DPYSL5: variants seen among roughly 807,000 people sequenced by gnomAD.
DPYSL5 encodes the protein dihydropyrimidinase like 5.
DPYSL5 carries 9 observed loss-of-function variants against 58.4 expected under a neutral mutation model. The observed-to-expected ratio is 0.15, with a 90% CI of 0.09 to 0.27. The LOEUF (loss-of-function observed/expected upper bound fraction) is 0.27, where lower values mean the gene tolerates loss of function less well. Ranked by LOEUF, DPYSL5 falls within the 10% of genes least tolerant of loss-of-function variation. The pLI is 1.00. For synonymous variants in DPYSL5, 293 were observed against 301.9 expected (o/e 0.97, Z 0.31); for missense variants, 499 against 770.6 (o/e 0.65, Z 4.17).
intron 1 of DPYSL5, among the ~76,000 whole-genome samples, chr2:26,874,518 T>C (rs903233898): frequency 1.3e-5 from 2 of 152,246 alleles, no homozygotes; most frequent in African/African-American, 2.4e-5. Context: ...AAAAATCAAA[T>C]GATCATATAT....
In DPYSL5 at chr2:26,942,662, T is replaced by C; in HGVS notation, c.1352T>C (p.Val451Ala). ...GGGCGCGTCGTGTATGAGAACGGCG[T>C]CTTCATGTGCGCCGAGGGCACCGGC... ...SRGRVVYENG[V>A]FMCAEGTGKF... is the part of the protein sequence containing the mutation. The change falls in exon 11 of 13, where the codon GTC becomes GCC. Residue 451 changes from valine to alanine, a missense_variant. Physicochemically the swap from Val to Ala is moderately conservative, Grantham distance 64 (BLOSUM62 0). Transcript: ENST00000288699. This position sits in a 1 kb window ranked among gnomAD's most constrained non-coding sequence, Gnocchi z 5.9. The C allele has an allele frequency of 6.2e-7, 1 of 1,614,132 alleles. No homozygotes were observed. Among genetic ancestry groups the C allele is most frequent in the Non-Finnish European group, 8.5e-7 (1 of 1,180,040 alleles).
At chr2:26,931,098 C>T (rs1458184242) in intron 5 of DPYSL5, among the ~76,000 whole-genome samples, 21 of 144,860 alleles carry the variant, frequency 1.4e-4, no homozygotes, top group Non-Finnish European at 2.4e-4. Flanking sequence ...ATGATCATGC[C>T]ACTGCACTCC....
chr2:26,868,182 C>T (rs1051071259), intron 1 of DPYSL5, among the ~76,000 whole-genome samples: 1 of 152,082 alleles, frequency 6.6e-6, no homozygotes, highest in African/African-American at 2.4e-5. Context: ...TGTCCTATGC[C>T]CATCTTTCTC....
chr2:26,946,645 G>A (rs1665493734), intron 12 of DPYSL5, among the ~76,000 whole-genome samples: 1 of 152,228 alleles, frequency 6.6e-6, no homozygotes. Context: ...ATGGGGCAGT[G>A]AAGTTGGCAC....
At chr2:26,884,758 G>T (rs1286475550) in intron 1 of DPYSL5, among the ~76,000 whole-genome samples, 1 of 152,134 alleles carries the variant, frequency 6.6e-6, no homozygotes, top group Non-Finnish European at 1.5e-5. Flanking sequence ...TGAACTCATG[G>T]GATTAAAACC....
At chr2:26,872,829 C>A (rs1218288399) in intron 1 of DPYSL5, among the ~76,000 whole-genome samples, 1 of 152,120 alleles carries the variant, frequency 6.6e-6, no homozygotes, top group Non-Finnish European at 1.5e-5. Flanking sequence ...AAACAAAAAA[C>A]GGCCGTTGGA....
At chr2:26,879,856 C>T (rs1663511576) in intron 1 of DPYSL5, among the ~76,000 whole-genome samples, 1 of 152,192 alleles carries the variant, frequency 6.6e-6, no homozygotes. Context: ...TCCACACCTG[C>T]TTTCTGCTCT....
chr2:26,887,940 G>A (rs539809534), intron 1 of DPYSL5, among the ~76,000 whole-genome samples: 51 of 152,206 alleles, frequency 3.4e-4, no homozygotes, highest in South Asian at 1.2e-3. Flanking sequence ...TCTAGGATTC[G>A]GGATATCCAA....
chr2:26,935,032 C>A (rs531569610), intron 8 of DPYSL5, among the ~76,000 whole-genome samples: 4 of 152,320 alleles, frequency 2.6e-5, no homozygotes, highest in African/African-American at 9.6e-5. Flanking sequence ...CAGTGGGGAG[C>A]TGCAGAACGT....
Position 26,931,331 on chromosome 2 carries a change from C to A in DPYSL5, c.670-309C>A, listed in dbSNP as rs149998803. ...CCACTATTTCTCCTTTGCTGCAGTT[C>A]TGAGGTGGCTATGGAGAGAATACAC... On this transcript the variant is annotated intron_variant, in intron 5 of 12. Coordinates refer to ENST00000288699, the MANE Select transcript of DPYSL5 (RefSeq NM_020134.4). Among the ~76,000 whole-genome samples, 35 of 150,580 alleles carry A rather than the reference C, an allele frequency of 2.3e-4. No individual in the cohort carries two copies. The Middle Eastern group carries it at 0.021, about 90-fold the overall frequency.
chr2:26,852,574 G>A (rs1311652253), intron 1 of DPYSL5, among the ~76,000 whole-genome samples: 1 of 152,144 alleles, frequency 6.6e-6, no homozygotes, highest in African/African-American at 2.4e-5. Context: ...TCACAGCCCT[G>A]TTCTGTACTT....
At chr2:26,878,787 A>G (rs1298920349) in intron 1 of DPYSL5, among the ~76,000 whole-genome samples, 2 of 152,128 alleles carry the variant, frequency 1.3e-5, no homozygotes, top group Non-Finnish European at 2.9e-5. Flanking sequence ...CATGCATCCA[A>G]TGCACCAGCC....
intron 8 of DPYSL5, 159 bp from the exon 9 acceptor site, chr2:26,939,872 G>A: frequency 1.2e-6 from 1 of 841,754 alleles, no homozygotes; most frequent in Non-Finnish European, 1.9e-6. Context: ...TCACATAGAT[G>A]CAGTAACTCA....
chr2:26,931,169 ATGTGTGTGTGTGTG>A (rs1324624030), intron 5 of DPYSL5, among the ~76,000 whole-genome samples: 1 of 45,700 alleles, frequency 2.2e-5, no homozygotes, highest in African/African-American at 7.0e-5. Flanking sequence ...ATATATATAT[ATGTGTGTGTGTGTG>A]TGTGTGTGTG....
In DPYSL5 at chr2:26,898,055, G is replaced by A. The variant is rs1038444614; in HGVS notation, c.-4-441G>A. 3.3e-5 allele frequency among the ~76,000 whole-genome samples: 5 copies of A among 152,156 alleles called. No individual in the cohort carries two copies. The highest frequency in any genetic ancestry group is 4.1e-4 in the South Asian group (2 of 4,834). Reference sequence around the variant, plus strand: ...TTTCAGGATACCGTGCAGTGTAAGGGAGACATTTGTTGTATAAGACATGTG... The same window carrying A: ...TTTCAGGATACCGTGCAGTGTAAGGAAGACATTTGTTGTATAAGACATGTG... On this transcript the variant is annotated intron_variant, in intron 1 of 12. Coordinates refer to ENST00000288699, the MANE Select transcript of DPYSL5 (RefSeq NM_020134.4). This position sits in a 1 kb window ranked among gnomAD's most constrained non-coding sequence, Gnocchi z 6.1.
intron 1 of DPYSL5, among the ~76,000 whole-genome samples, chr2:26,889,701 A>C (rs1663822026): frequency 6.6e-6 from 1 of 151,946 alleles, no homozygotes; most frequent in South Asian, 2.1e-4. Flanking sequence ...GGGAAAAAAA[A>C]AAAAAGCCTG....
intron 2 of DPYSL5, among the ~76,000 whole-genome samples, chr2:26,917,545 G>C (rs377018446): frequency 1.3e-5 from 2 of 152,102 alleles, no homozygotes; most frequent in African/African-American, 4.8e-5. Context: ...TGTGGGGTTG[G>C]GGGGTGGTGC....
At chr2:26,862,889 C>T (rs1333041987) in intron 1 of DPYSL5, among the ~76,000 whole-genome samples, 2 of 152,208 alleles carry the variant, frequency 1.3e-5, no homozygotes, top group Non-Finnish European at 2.9e-5. Context: ...TGTGTACAGC[C>T]TATTCCAGAA....
chr2:26,894,476 T>C (rs1380444455), intron 1 of DPYSL5, among the ~76,000 whole-genome samples: 2 of 152,200 alleles, frequency 1.3e-5, no homozygotes, highest in Non-Finnish European at 2.9e-5. Flanking sequence ...GGCATAATAA[T>C]ACCTTCCCCA....
Sources: allele counts gnomAD v4.1 joint callset (sites outside exome capture counted in the v4.1 genomes callset), GRCh38; gene constraint gnomAD v4.1.1; non-coding constraint Gnocchi (gnomAD v3.1); transcripts MANE v1.5; gene names NCBI Gene and HGNC (gene_info 2026-07-23, HGNC 2026-07-21).